TCF7L1: variants seen among roughly 807,000 people sequenced by gnomAD.
TCF7L1 encodes the protein transcription factor 7-like 1.
Under a neutral mutation model 63.7 loss-of-function variants are expected in TCF7L1, and 18 were observed. That is an observed-to-expected ratio of 0.28 (90% confidence interval 0.20 to 0.42). The LOEUF is 0.42. TCF7L1 is among the 10% of genes least tolerant of loss of function. TCF7L1 has a pLI of 1.00. For synonymous variants in TCF7L1, 355 were observed against 340.9 expected (o/e 1.04, Z -0.46); for missense variants, 654 against 779.3 (o/e 0.84, Z 1.91).
intron 3 of TCF7L1, among the ~76,000 whole-genome samples, chr2:85,194,794 A>T (rs1679116492): frequency 6.6e-6 from 1 of 152,192 alleles, no homozygotes; most frequent in Non-Finnish European, 1.5e-5. Context: ...AATCCCCCTC[A>T]AGTTCTTGGA....
At chr2:85,307,837 A>G in intron 11 of TCF7L1, 120 bp downstream of exon 11, 2 of 849,484 alleles carry the variant, frequency 2.4e-6, no homozygotes, top group South Asian at 3.1e-5. Context: ...GCGGGCGGGT[A>G]TTATTACCCC....
At chr2:85,261,347 C>T (rs1021415513) in intron 3 of TCF7L1, among the ~76,000 whole-genome samples, 9 of 152,182 alleles carry the variant, frequency 5.9e-5, no homozygotes, top group Admixed American at 5.9e-4. Flanking sequence ...TTCTCCACCT[C>T]CAGTGGCTGC....
intron 3 of TCF7L1, among the ~76,000 whole-genome samples, chr2:85,260,668 C>T (rs1338911215): frequency 6.6e-6 from 1 of 151,036 alleles, no homozygotes; most frequent in Admixed American, 6.6e-5. Context: ...GACAAATAGA[C>T]CTTGTACGTG....
chr2:85,177,983 G>A (rs1215074989), intron 3 of TCF7L1, among the ~76,000 whole-genome samples: 2 of 152,144 alleles, frequency 1.3e-5, no homozygotes, highest in Non-Finnish European at 2.9e-5. Flanking sequence ...CCATTCTGTG[G>A]AACGGATATA....
chr2:85,208,802 CTTGAGGAAGTAATAGATCA>C (rs1444996531), intron 3 of TCF7L1, among the ~76,000 whole-genome samples: 1 of 152,120 alleles, frequency 6.6e-6, no homozygotes, highest in African/African-American at 2.4e-5. Context: ...TTTTTATTAT[CTTGAGGAAGTAATAGATCA>C]TTGAAAATGT....
At chr2:85,308,941 C>T in intron 11 of TCF7L1, 88 bp from the exon 12 acceptor site, 1 of 1,450,342 alleles carries the variant, frequency 6.9e-7, no homozygotes, top group Non-Finnish European at 9.3e-7. Flanking sequence ...CCTGTGTCTC[C>T]AAAGCACATG....
intron 3 of TCF7L1, among the ~76,000 whole-genome samples, chr2:85,149,324 CACATATGT>C (rs899509814): frequency 4.3e-4 from 38 of 88,122 alleles, no homozygotes; most frequent in Non-Finnish European, 8.6e-4. Context: ...TACACATATA[CACATATGT>C]GTGTATATGT....
Position 85,170,716 on chromosome 2 carries a change from G to A in TCF7L1, c.441+36266G>A, listed in dbSNP as rs555389146. 1.4e-4 allele frequency among the ~76,000 whole-genome samples: 21 copies of A among 152,264 alleles called. No homozygotes were observed. In the East Asian group the frequency reaches 3.5e-3, roughly 25 times the overall value. On this transcript the variant is annotated intron_variant, in intron 3 of 11. Coordinates refer to ENST00000282111, the MANE Select transcript of TCF7L1 (RefSeq NM_031283.3). ...TCCCAGGAAAGAAAAATGGTGCCCA[G>A]GAAACCCACTCAGAGTGGAGTTTTG...
chr2:85,215,718 C>G (rs1420167857), intron 3 of TCF7L1, among the ~76,000 whole-genome samples: 1 of 134,872 alleles, frequency 7.4e-6, no homozygotes, highest in Admixed American at 9.0e-5. Context: ...AAGAGAGGAG[C>G]TCAATGGCTT....
chr2:85,178,464 A>G (rs1214455728), intron 3 of TCF7L1, among the ~76,000 whole-genome samples: 3 of 152,120 alleles, frequency 2.0e-5, no homozygotes, highest in African/African-American at 7.2e-5. Flanking sequence ...CTGTGCACCC[A>G]AGTCTCCAGA....
rs541704128 is a variant in TCF7L1, at chr2:85,241,447, T to G, written c.442-42048T>G. Among the ~76,000 whole-genome samples, 659 of 109,300 alleles carry G rather than the reference T, an allele frequency of 6.0e-3. 4 individuals carry two copies. Among genetic ancestry groups the G allele is most frequent in the African/African-American group, 0.02 (380 of 18,650 alleles). 71.7% of individuals were successfully genotyped at this position (109,300 alleles called of 152,430 possible). A position where few individuals can be genotyped will look rare whatever the true frequency, so the allele number is the denominator to read the frequency against. On this transcript the variant is annotated intron_variant, in intron 3 of 11. Coordinates refer to ENST00000282111, the MANE Select transcript of TCF7L1 (RefSeq NM_031283.3). ...ATGCACTTTGTTTTTGTTTTTTTTT[T>G]TTTTTTTTTTTTTTTTTTGAGATGG...
chr2:85,285,961 G>A (rs1681537297), intron 4 of TCF7L1, among the ~76,000 whole-genome samples: 1 of 152,198 alleles, frequency 6.6e-6, no homozygotes, highest in Non-Finnish European at 1.5e-5. Flanking sequence ...GGAAGCTGAG[G>A]CAGGCAGATA....
intron 3 of TCF7L1, among the ~76,000 whole-genome samples, chr2:85,260,761 G>C (rs12466280): frequency 1.3e-5 from 2 of 152,090 alleles, no homozygotes; most frequent in South Asian, 4.2e-4. Context: ...GCTGTACTGT[G>C]TACCACAGAT....
chr2:85,243,659 C>T (rs72934630), intron 3 of TCF7L1, among the ~76,000 whole-genome samples: 7 of 152,118 alleles, frequency 4.6e-5, no homozygotes, highest in Non-Finnish European at 7.4e-5. Context: ...GCTTCCTGGC[C>T]AGAGGCAGCC....
intron 3 of TCF7L1, among the ~76,000 whole-genome samples, chr2:85,166,484 A>G (rs1380249872): frequency 6.6e-6 from 1 of 152,168 alleles, no homozygotes; most frequent in African/African-American, 2.4e-5. Flanking sequence ...ATAAATAGAG[A>G]TGCCCTGACT....
intron 3 of TCF7L1, chr2:85,262,411 AAG>A (rs1680880266): frequency 2.6e-6 from 1 of 383,108 alleles, no homozygotes. Context: ...AAAAACTAAA[AAG>A]AATAAGATGT....
chr2:85,235,522 G>A (rs996650246), intron 3 of TCF7L1, among the ~76,000 whole-genome samples: 1 of 151,952 alleles, frequency 6.6e-6, no homozygotes, highest in Non-Finnish European at 1.5e-5. Flanking sequence ...TGGCTCCCTT[G>A]TGGTGTGACC....
intron 3 of TCF7L1, among the ~76,000 whole-genome samples, chr2:85,148,755 T>TTA (rs1660068570): frequency 6.6e-6 from 1 of 151,518 alleles, no homozygotes; most frequent in Non-Finnish European, 1.5e-5. Context: ...AAGTGGATCT[T>TTA]TTCTTACAGT....
intron 3 of TCF7L1, among the ~76,000 whole-genome samples, chr2:85,180,106 A>C (rs1678767968): frequency 6.6e-6 from 1 of 151,814 alleles, no homozygotes; most frequent in Admixed American, 6.6e-5. Flanking sequence ...GGCAGGGGGC[A>C]CTGGCTGGGG....
Sources: gnomAD v4.1 joint callset for allele counts (sites outside exome capture counted in the v4.1 genomes callset) on GRCh38, gnomAD v4.1.1 for gene constraint, MANE v1.5 for transcripts, NCBI Gene and HGNC (gene_info 2026-07-23, HGNC 2026-07-21) for gene names.